Variants in AP1M1 observed in about 807,000 individuals in gnomAD.
AP1M1 encodes adaptor related protein complex 1 subunit mu 1.
Under a neutral mutation model 57.1 loss-of-function variants are expected in AP1M1, and 18 were observed. That is an observed-to-expected ratio of 0.32 (90% CI 0.22 to 0.47). AP1M1 has a LOEUF of 0.47. AP1M1 is among the 20% of genes least tolerant of loss of function. The pLI is 1.00. For synonymous variants in AP1M1, 241 were observed against 237.9 expected, an observed-to-expected ratio of 1.01 and a Z score of -0.12; for missense variants, 362 against 593.5, an observed-to-expected ratio of 0.61 and a Z score of 4.05.
intron 5 of AP1M1, among the ~76,000 whole-genome samples, chr19:16,222,146 A>G (rs2145131888): frequency 6.6e-6 from 1 of 151,558 alleles, no homozygotes; most frequent in Non-Finnish European, 1.5e-5. Flanking sequence ...TTAAGTTCAC[A>G]GGTCCTTTGG....
intron 2 of AP1M1, among the ~76,000 whole-genome samples, chr19:16,204,162 T>G (rs1599452212): frequency 7.1e-6 from 1 of 140,024 alleles, no homozygotes; most frequent in African/African-American, 2.7e-5. Flanking sequence ...CATGGGTAGG[T>G]GGGGAGTAGG....
At position 16,241,157 on chromosome 19, in the gene AP1M1, A is replaced by G. The variant is rs1448941035; in HGVS notation, c.*6722A>G. 1 of 152,080 alleles carries G rather than the reference A, an allele frequency of 6.6e-6. No individual in the cohort carries two copies. The highest frequency in any genetic ancestry group is 1.5e-5 in the Non-Finnish European group (1 of 68,042). The allele number at this position is 152,080 out of a possible 1,614,324, so 9.4% of individuals were successfully genotyped here. A position where few individuals can be genotyped will look rare whatever the true frequency, so the allele number is the denominator to read the frequency against. On this transcript the variant is annotated 3_prime_UTR_variant, in exon 12 of 12. Coordinates refer to ENST00000291439, the MANE Select transcript of AP1M1 (RefSeq NM_032493.4). The stretch of plus-strand genomic sequence containing the variant: ...GAGAAACCCCATCTCTACTAGAAAT[A>G]CAAAATTAGCCAGGTGTGGTGGCGG...
At chr19:16,226,774 AC>A (rs2091573099) in intron 6 of AP1M1, 1 of 536,062 alleles carries the variant, frequency 1.9e-6, no homozygotes, top group African/African-American at 1.9e-5. Flanking sequence ...GGCCCCCGTC[AC>A]CCGGCCTCAC....
intron 1 of AP1M1, chr19:16,202,886 C>T (rs1250990372): frequency 6.5e-6 from 1 of 154,416 alleles, no homozygotes; most frequent in Non-Finnish European, 1.4e-5. Context: ...CTCTGGGTTT[C>T]ACTTTTTGAG....
At chr19:16,208,259 C>T in intron 4 of AP1M1, 110 bp downstream of exon 4, 1 of 1,234,626 alleles carries the variant, frequency 8.1e-7, no homozygotes. Context: ...TGTCCCCCAC[C>T]TGCCTCCCAC....
chr19:16,216,412 T>A (rs918117080), intron 5 of AP1M1, among the ~76,000 whole-genome samples: 2 of 150,150 alleles, frequency 1.3e-5, no homozygotes, highest in Non-Finnish European at 1.5e-5. Flanking sequence ...ACCACTGCCC[T>A]CCAGCCTGGG....
chr19:16,197,975 T>TCGCTGCCGCCACCGCCCTCGGC lies in AP1M1; in HGVS notation c.-42_-41insACCGCCCTCGGCCGCTGCCGCC. On this transcript the variant is annotated 5_prime_UTR_variant, in exon 1 of 12. Coordinates refer to ENST00000291439, the MANE Select transcript of AP1M1 (RefSeq NM_032493.4). ...GCTCAACGCCCAGCAGTCCCCACCG[T>TCGCTGCCGCCACCGCCCTCGGC]CGCTGCCGCCGCCACCGCCCTCGGC... 6.9e-7 allele frequency: 1 copy of TCGCTGCCGCCACCGCCCTCGGC among 1,451,800 alleles called. No homozygotes were observed. Among genetic ancestry groups the TCGCTGCCGCCACCGCCCTCGGC allele is most frequent in the Non-Finnish European group, 9.2e-7 (1 of 1,087,916 alleles). 89.9% of individuals were successfully genotyped at this position (1,451,800 alleles called of 1,614,324 possible).
chr19:16,218,325 C>T (rs1006765194), intron 5 of AP1M1, among the ~76,000 whole-genome samples: 2 of 152,210 alleles, frequency 1.3e-5, no homozygotes, highest in Non-Finnish European at 2.9e-5. Context: ...GCTCGCCTGC[C>T]CTGCATCACT....
rs1401453298 is a variant in AP1M1, at chr19:16,207,882, G to A, written c.268-137G>A. ...CATAACCTGGGTCCAGGGCCCTGTA[G>A]CACACCACCGAGCCTGGGAAGTAGG... On this transcript the variant is annotated intron_variant, in intron 3 of 11. Transcript: ENST00000291439. The surrounding 1 kb of genome is among the most constrained non-coding windows in gnomAD (Gnocchi z 4.2). The A allele has an allele frequency of 4.2e-6, 5 of 1,184,596 alleles. No homozygotes were observed. The East Asian group carries it at 1.3e-4, about 30-fold the overall frequency. 73.4% of individuals were successfully genotyped at this position (1,184,596 alleles called of 1,614,324 possible).
chr19:16,224,302 G>C (rs923709430), intron 5 of AP1M1, among the ~76,000 whole-genome samples: 1 of 152,236 alleles, frequency 6.6e-6, no homozygotes, highest in Non-Finnish European at 1.5e-5. Flanking sequence ...AGCTTAGAGA[G>C]AGTCGAGCAG....
rs2091657103 is a variant in AP1M1, at chr19:16,244,800, G to A, written c.*10365G>A. On this transcript the variant is annotated 3_prime_UTR_variant, in exon 12 of 12. Coordinates refer to ENST00000291439, the MANE Select transcript of AP1M1 (RefSeq NM_032493.4). ...AGCCGAGATTGCGCCACTGCAGTCC[G>A]CAGTCCGGCCTGGGCGACAGAGCGA... 1 of 148,510 alleles carries A rather than the reference G, an allele frequency of 6.7e-6. No individual in the cohort carries two copies. Among genetic ancestry groups the A allele is most frequent in the African/African-American group, 2.6e-5 (1 of 38,188 alleles). The allele number at this position is 148,510 out of a possible 1,614,324, so 9.2% of individuals were successfully genotyped here.
chr19:16,209,594 G>T (rs1599455461), intron 5 of AP1M1, among the ~76,000 whole-genome samples: 1 of 150,642 alleles, frequency 6.6e-6, no homozygotes, highest in East Asian at 1.9e-4. Context: ...AGAAAGTGAA[G>T]GGCTCTTATC....
intron 1 of AP1M1, among the ~76,000 whole-genome samples, chr19:16,199,884 C>A (rs1288772539): frequency 6.6e-6 from 1 of 152,176 alleles, no homozygotes; most frequent in African/African-American, 2.4e-5. Context: ...GAGCACCTAG[C>A]ATGCACCCTG....
In AP1M1 at chr19:16,207,756, G is replaced by A. The variant is rs1054769954; in HGVS notation, c.268-263G>A. Among the ~76,000 whole-genome samples the A allele has an allele frequency of 9.2e-5, 14 of 152,124 alleles. No individual in the cohort carries two copies. The highest frequency in any genetic ancestry group is 2.9e-4 in the African/African-American group (12 of 41,420). On this transcript the variant is annotated intron_variant, in intron 3 of 11. Coordinates refer to ENST00000291439, the MANE Select transcript of AP1M1 (RefSeq NM_032493.4). This position sits in a 1 kb window ranked among gnomAD's most constrained non-coding sequence, Gnocchi z 4.2. ...GGGCTGCCTGTCTGCGGGTGTCTGG[G>A]CAGGGAAGAGAATGGGAACGCAGAG...
intron 4 of AP1M1, 86 bp from the exon 5 acceptor site, chr19:16,208,944 A>G: frequency 6.6e-7 from 1 of 1,520,560 alleles, no homozygotes; most frequent in Non-Finnish European, 8.9e-7. Flanking sequence ...TGTACCCCCC[A>G]CCCAACCCTG....
chr19:16,229,054 G>A (rs1167632949), intron 9 of AP1M1, 126 bp downstream of exon 9: 3 of 1,171,582 alleles, frequency 2.6e-6, no homozygotes, highest in East Asian at 2.6e-5. Flanking sequence ...CACACCTGGG[G>A]CTTCTGAAAG....
chr19:16,234,653 G>A lies in AP1M1; in HGVS notation c.*218G>A, dbSNP rs142391348. The A allele has an allele frequency of 1.3e-3, 779 of 610,762 alleles. 1 individual carries two copies. The highest frequency in any genetic ancestry group is 9.9e-3 in the African/African-American group (534 of 54,154). 37.8% of individuals were successfully genotyped at this position (610,762 alleles called of 1,614,324 possible). A position where few individuals can be genotyped will look rare whatever the true frequency, so the allele number is the denominator to read the frequency against. The stretch of plus-strand genomic sequence containing the variant: ...AAGAGGCTGGTCTTCAAGAAGTCTC[G>A]TTTCTTTGCCCCTGAAGTCAGTTTC... On this transcript the variant is annotated 3_prime_UTR_variant, in exon 12 of 12. Transcript: ENST00000291439.
chr19:16,199,017 A>G (rs1028903267), intron 1 of AP1M1, among the ~76,000 whole-genome samples: 4 of 152,132 alleles, frequency 2.6e-5, no homozygotes, highest in Admixed American at 6.5e-5. Context: ...CATGTTGACC[A>G]GGCTGGTCTC....
Position 16,234,554 on chromosome 19 carries a change from C to T in AP1M1, c.*119C>T. 7.5e-7 allele frequency: 1 copy of T among 1,338,364 alleles called. No homozygotes were observed. The highest frequency in any genetic ancestry group is 1.0e-6 in the Non-Finnish European group (1 of 957,184). 82.9% of individuals were successfully genotyped at this position (1,338,364 alleles called of 1,614,324 possible). A position where few individuals can be genotyped will look rare whatever the true frequency, so the allele number is the denominator to read the frequency against. On this transcript the variant is annotated 3_prime_UTR_variant, in exon 12 of 12. Transcript: ENST00000291439. Reference sequence around the variant, plus strand: ...TGGTCTCTGGCCACCCTCCCAGCCTCTGCCCAGGGACCCCTGCCTTCCCCA... The same window carrying T: ...TGGTCTCTGGCCACCCTCCCAGCCTTTGCCCAGGGACCCCTGCCTTCCCCA...
Sources: allele counts gnomAD v4.1 joint callset (sites outside exome capture counted in the v4.1 genomes callset), GRCh38; gene constraint gnomAD v4.1.1; non-coding constraint Gnocchi (gnomAD v3.1); transcripts MANE v1.5; gene names NCBI Gene and HGNC (gene_info 2026-07-23, HGNC 2026-07-21).